RP1L1: variants seen among roughly 807,000 people sequenced by gnomAD.
RP1L1 encodes the protein RP1 like 1.
A neutral mutation model predicts 15.7 loss-of-function variants in RP1L1; 27 were observed. That is an observed-to-expected ratio of 1.72 (90% CI 1.27 to 2.38). The LOEUF is 2.38. Among genes scored for constraint, RP1L1 ranks in the 30% most tolerant of loss-of-function variants. The pLI is 0.00. For synonymous variants in RP1L1, 1,813 were observed against 1,276.7 expected (o/e 1.42, Z -8.96); for missense variants, 4,798 against 3,075.9 (o/e 1.56, Z -13.24).
intron 1 of RP1L1, among the ~76,000 whole-genome samples, chr8:10,638,067 C>T (rs570874534): frequency 1.1e-4 from 17 of 152,346 alleles, no homozygotes; most frequent in South Asian, 2.1e-4. Context: ...TCCTGGGAAG[C>T]GTGCCCTCAG....
At chr8:10,630,296 G>C (rs993622937) in intron 1 of RP1L1, among the ~76,000 whole-genome samples, 2 of 152,236 alleles carry the variant, frequency 1.3e-5, no homozygotes, top group African/African-American at 4.8e-5. Context: ...CAAAGGCACA[G>C]ACTGAGTTGG....
In RP1L1 at chr8:10,623,014, G is replaced by T. The variant is rs756444851; in HGVS notation, c.188C>A (p.Ala63Asp). The change falls in exon 2 of 4, where the codon GCC becomes GAC. Residue 63 changes from alanine to aspartate, a missense_variant. By Grantham distance (126) the Ala-to-Asp change is moderately radical. Coordinates refer to ENST00000382483, the MANE Select transcript of RP1L1 (RefSeq NM_178857.6). ...GCGCTGGGAGAGCTCGTCCATGAGG[G>T]CGCTGAAGGTCTTAAAGGCGCGCTG... ...VHQRAFKTFS[A>D]LMDELSQRVP... 2 of 1,614,150 alleles carry T rather than the reference G, an allele frequency of 1.2e-6. No homozygotes were observed. The highest frequency in any genetic ancestry group is 1.1e-5 in the South Asian group (1 of 91,080).
chr8:10,640,790 T>C (rs57757579), intron 1 of RP1L1, among the ~76,000 whole-genome samples: 21,957 of 151,960 alleles, frequency 0.14, 1,760 homozygotes, highest in Admixed American at 0.23. Flanking sequence ...TGAGACAGGG[T>C]CTTTGAAACA....
chr8:10,610,692 C>G lies in RP1L1; in HGVS notation c.3406G>C (p.Ala1136Pro). 4 of 1,612,426 alleles carry G rather than the reference C, an allele frequency of 2.5e-6. No homozygotes were observed. Among genetic ancestry groups the G allele is most frequent in the Non-Finnish European group, 3.4e-6 (4 of 1,179,398 alleles). ...QLFEEDLGSP[A>P]SKVRFKDSPR... ...GAGTCTTTGAACCTCACTTTGCTGG[C>G]AGGAGACCCAAGGTCTTCCTCAAAT... The change falls in exon 4 of 4, where the codon GCC (alanine) becomes CCC (proline). Residue 1136 changes from alanine to proline, a missense_variant. Physicochemically the swap from Ala to Pro is conservative, Grantham distance 27. Transcript: ENST00000382483.
chr8:10,606,745 A>T lies in RP1L1; in HGVS notation c.*150T>A. ...CTGGACTTAAGAGTCCCAGGACAGC[A>T]TGGCATGGGCTGTGTCCTTGGCAAG... On this transcript the variant is annotated 3_prime_UTR_variant, in exon 4 of 4. Transcript: ENST00000382483. 1 of 1,305,258 alleles carries T rather than the reference A, an allele frequency of 7.7e-7. No individual in the cohort carries two copies. The highest frequency in any genetic ancestry group is 1.0e-6 in the Non-Finnish European group (1 of 958,372). The allele number at this position is 1,305,258 out of a possible 1,614,324, so 80.9% of individuals were successfully genotyped here. A position where few individuals can be genotyped will look rare whatever the true frequency, so the allele number is the denominator to read the frequency against.
At position 10,612,352 on chromosome 8, in the gene RP1L1, T is replaced by C. The variant is rs369415270; in HGVS notation, c.1746A>G (p.Ser582=). 1.9e-6 allele frequency: 3 copies of C among 1,613,026 alleles called. No individual in the cohort carries two copies. Among genetic ancestry groups the C allele is most frequent in the African/African-American group, 2.7e-5 (2 of 74,922 alleles). ...GDPASPALSL[S]SLRSDDLQAE... ...CCTGCAGGTCGTCACTCCTTAAAGA[T>C]GAAAGACTCAGGGCTGGAGAAGCGG... The change falls in exon 4 of 4, where the codon TCA becomes TCG. Residue 582 remains serine, a synonymous_variant. Coordinates refer to ENST00000382483, the MANE Select transcript of RP1L1 (RefSeq NM_178857.6).
chr8:10,616,335 G>C, intron 3 of RP1L1, 111 bp downstream of exon 3: 3 of 1,402,994 alleles, frequency 2.1e-6, no homozygotes, highest in East Asian at 2.3e-5. Context: ...GGATACCCAA[G>C]ATCTGGGGCC....
At chr8:10,613,569 G>C (rs1237006542) in intron 3 of RP1L1, among the ~76,000 whole-genome samples, 1 of 120,948 alleles carries the variant, frequency 8.3e-6, no homozygotes, top group Admixed American at 1.2e-4. Context: ...TTCAAGACCA[G>C]CCTGGACAAC....
chr8:10,637,395 G>C (rs1798345789), intron 1 of RP1L1, among the ~76,000 whole-genome samples: 1 of 152,116 alleles, frequency 6.6e-6, no homozygotes, highest in Admixed American at 6.5e-5. Context: ...GTCAGTGTAG[G>C]GGCCAGAAAA....
chr8:10,646,603 G>A (rs1254549191), intron 1 of RP1L1, among the ~76,000 whole-genome samples: 1 of 152,042 alleles, frequency 6.6e-6, no homozygotes, highest in Non-Finnish European at 1.5e-5. Flanking sequence ...TGGACTCCCT[G>A]TCCCCTAGGA....
At position 10,613,246 on chromosome 8, in the gene RP1L1, CG is replaced by C. The variant is rs757272743; in HGVS notation, c.851del (p.Pro284ArgfsTer26). ...LPERPGPSNP[P>X]VGPAPGRHPQ... ...GGTGCCTGCCAGGAGCAGGGCCCAC[CG>C]GGGGGTTGCTAGGACCAGGCCTTTC... On this transcript the variant is annotated frameshift_variant, in exon 4 of 4. Transcript: ENST00000382483. LOFTEE classifies it low-confidence loss of function (END_TRUNC). 16 of 1,611,962 alleles carry C rather than the reference CG, an allele frequency of 9.9e-6. No homozygotes were observed. Among genetic ancestry groups the C allele is most frequent in the Non-Finnish European group, 1.4e-5 (16 of 1,180,004 alleles).
intron 1 of RP1L1, among the ~76,000 whole-genome samples, chr8:10,625,493 T>G (rs1045185447): frequency 2.6e-4 from 2 of 7,572 alleles, no homozygotes; most frequent in African/African-American, 1.3e-3. Context: ...GGGGGTCAAG[T>G]GGGGAGCCCA....
At chr8:10,632,170 T>C (rs1798262955) in intron 1 of RP1L1, among the ~76,000 whole-genome samples, 1 of 152,118 alleles carries the variant, frequency 6.6e-6, no homozygotes, top group Admixed American at 6.5e-5. Context: ...CCTGCCCTGC[T>C]TCCAACAAAC....
At chr8:10,649,926 T>G (rs1448745213) in intron 1 of RP1L1, among the ~76,000 whole-genome samples, 3 of 152,174 alleles carry the variant, frequency 2.0e-5, no homozygotes, top group Non-Finnish European at 4.4e-5. Flanking sequence ...GTCACAGGTC[T>G]GTTTGGGCGG....
chr8:10,616,968 G>A (rs757277043), intron 2 of RP1L1, among the ~76,000 whole-genome samples: 8 of 152,124 alleles, frequency 5.3e-5, no homozygotes, highest in South Asian at 2.1e-4. Context: ...CTCCCACAGC[G>A]GGGCCCGATT....
chr8:10,625,738 C>T (rs540146823), intron 1 of RP1L1, among the ~76,000 whole-genome samples: 1 of 152,276 alleles, frequency 6.6e-6, no homozygotes, highest in East Asian at 1.9e-4. Flanking sequence ...CAGGACCACG[C>T]AGGAGCAGAG....
Position 10,610,536 on chromosome 8 carries a change from C to T in RP1L1, c.3562G>A (p.Ala1188Thr), listed in dbSNP as rs375311151. The T allele has an allele frequency of 1.9e-6, 3 of 1,613,622 alleles. No individual in the cohort carries two copies. The highest frequency in any genetic ancestry group is 2.5e-6 in the Non-Finnish European group (3 of 1,180,032). Reference sequence around the variant, plus strand: ...GTGGGCGTGAAGTTCTCCGTCATGGCATGGGACCCAAGGTCTGGCAGAGCC... The same window carrying T: ...GTGGGCGTGAAGTTCTCCGTCATGGTATGGGACCCAAGGTCTGGCAGAGCC... ...SQALPDLGSH[A>T]MTENFTPTSS... Residue 1188 changes from alanine to threonine, a missense_variant, in exon 4 of 4, where the codon GCC becomes ACC. Physicochemically the swap from Ala to Thr is moderately conservative, Grantham distance 58. Coordinates refer to ENST00000382483, the MANE Select transcript of RP1L1 (RefSeq NM_178857.6).
At chr8:10,615,552 A>T (rs1797951856) in intron 3 of RP1L1, among the ~76,000 whole-genome samples, 1 of 152,170 alleles carries the variant, frequency 6.6e-6, no homozygotes, top group East Asian at 1.9e-4. Flanking sequence ...TTCTTTTTTG[A>T]GGCAGGGTCT....
At chr8:10,647,857 A>C (rs1040180826) in intron 1 of RP1L1, among the ~76,000 whole-genome samples, 2 of 152,222 alleles carry the variant, frequency 1.3e-5, no homozygotes, top group Non-Finnish European at 2.9e-5. Context: ...GCATATACCT[A>C]GAAGAGGAAT....
Sources: allele counts gnomAD v4.1 joint callset (sites outside exome capture counted in the v4.1 genomes callset), GRCh38; gene constraint gnomAD v4.1.1; transcripts MANE v1.5; gene names NCBI Gene and HGNC (gene_info 2026-07-23, HGNC 2026-07-21).